AGPAT4: variants seen among roughly 807,000 people sequenced by gnomAD.
AGPAT4 encodes the protein 1-acyl-sn-glycerol-3-phosphate acyltransferase delta.
Under a neutral mutation model 48.0 loss-of-function variants are expected in AGPAT4, and 15 were observed. The observed-to-expected ratio is 0.31, with a 90% CI of 0.21 to 0.48. AGPAT4 has a LOEUF of 0.48. AGPAT4 is among the 20% of genes least tolerant of loss of function. The probability of loss-of-function intolerance (pLI) is 0.99; values close to 1 mark genes in which losing one functional copy is unlikely to be tolerated. For synonymous variants in AGPAT4, 178 were observed against 198.7 expected (o/e 0.90, Z 0.88); for missense variants, 314 against 482.5 (o/e 0.65, Z 3.27).
In AGPAT4 at chr6:161,240,277, T is replaced by G. The variant is rs1260441293; in HGVS notation, c.-89-7975A>C. On this transcript the variant is annotated intron_variant, in intron 1 of 8. Transcript: ENST00000320285. This position sits in a 1 kb window ranked among gnomAD's most constrained non-coding sequence, Gnocchi z 5.5. ...ACACACACACACACACTTAAACAAG[T>G]CTGTCCACCTGGAAGCCTGGGCTGG... Among the ~76,000 whole-genome samples, 1 of 150,392 alleles carries G rather than the reference T, an allele frequency of 6.6e-6. No individual in the cohort carries two copies. The highest frequency in any genetic ancestry group is 6.6e-5 in the Admixed American group (1 of 15,050).
intron 2 of AGPAT4, among the ~76,000 whole-genome samples, chr6:161,191,999 C>A (rs925203342): frequency 1.4e-5 from 2 of 147,668 alleles, no homozygotes; most frequent in East Asian, 3.9e-4. Context: ...TGTAACTGTT[C>A]TTGGATTTAC....
At position 161,219,328 on chromosome 6, in the gene AGPAT4, T is replaced by C. The variant is rs1414401622; in HGVS notation, c.178+12708A>G. On this transcript the variant is annotated intron_variant, in intron 2 of 8. Transcript: ENST00000320285. This position sits in a 1 kb window ranked among gnomAD's most constrained non-coding sequence, Gnocchi z 4.9. Reference sequence around the variant, plus strand: ...TTTGTATTTTATATAATTTAAAAAATATATAAAATGTCCTATCCAGACATT... The same window carrying C: ...TTTGTATTTTATATAATTTAAAAAACATATAAAATGTCCTATCCAGACATT... 6.6e-6 allele frequency among the ~76,000 whole-genome samples: 1 copy of C among 151,954 alleles called. No homozygotes were observed. The highest frequency in any genetic ancestry group is 1.9e-4 in the East Asian group (1 of 5,200).
rs1033289758 is a variant in AGPAT4, at chr6:161,138,930, C to T, written c.1042+492G>A. 3.3e-5 allele frequency among the ~76,000 whole-genome samples: 5 copies of T among 152,080 alleles called. No homozygotes were observed. The highest frequency in any genetic ancestry group is 9.7e-5 in the African/African-American group (4 of 41,402). On this transcript the variant is annotated intron_variant, in intron 8 of 8. Coordinates refer to ENST00000320285, the MANE Select transcript of AGPAT4 (RefSeq NM_020133.3). The surrounding 1 kb of genome is among the most constrained non-coding windows in gnomAD (Gnocchi z 4.8). ...GAGAATACCGGTCACCTGGAGCCAG[C>T]GCAGACCCATGAAAAGCTCTGTCGC...
chr6:161,153,167 T>C (rs945120489), intron 5 of AGPAT4, among the ~76,000 whole-genome samples, 179 bp downstream of exon 5: 1 of 152,174 alleles, frequency 6.6e-6, no homozygotes, highest in Admixed American at 6.5e-5. Flanking sequence ...CAGCCAGGGG[T>C]GCAAATGCCA....
rs1293295861 is a variant in AGPAT4 at position 161,196,860 on chromosome 6, T to G, written c.179-30443A>C. Among the ~76,000 whole-genome samples the G allele has an allele frequency of 6.7e-6, 1 of 148,524 alleles. No individual in the cohort carries two copies. Among genetic ancestry groups the G allele is most frequent in the Non-Finnish European group, 1.5e-5 (1 of 67,540 alleles). On this transcript the variant is annotated intron_variant, in intron 2 of 8. Coordinates refer to ENST00000320285, the MANE Select transcript of AGPAT4 (RefSeq NM_020133.3). This position sits in a 1 kb window ranked among gnomAD's most constrained non-coding sequence, Gnocchi z 4.3. ...CCAAGGAGAGGAAAAGCTAGAGGAA[T>G]GAGTGGTCAACTGGATGGTCAAGAA... is the stretch of plus-strand genomic sequence containing the variant.
chr6:161,258,733 G>C (rs1162835157), intron 1 of AGPAT4, among the ~76,000 whole-genome samples: 1 of 151,874 alleles, frequency 6.6e-6, no homozygotes, highest in African/African-American at 2.4e-5. Context: ...AGCAAGACTT[G>C]GTTGAAAGTT....
rs988718776 is a variant in AGPAT4 at position 161,221,568 on chromosome 6, G to A, written c.178+10468C>T. The stretch of plus-strand genomic sequence containing the variant: ...CACTTTGGACTTCACCACCACAGTA[G>A]AAGAAAAGACTTAGAACGCAGACTG... On this transcript the variant is annotated intron_variant, in intron 2 of 8. Transcript: ENST00000320285. The surrounding 1 kb of genome is among the most constrained non-coding windows in gnomAD (Gnocchi z 4.5). Among the ~76,000 whole-genome samples, 1 of 152,168 alleles carries A rather than the reference G, an allele frequency of 6.6e-6. No homozygotes were observed. Among genetic ancestry groups the A allele is most frequent in the Non-Finnish European group, 1.5e-5 (1 of 68,018 alleles).
chr6:161,259,653 G>A lies in AGPAT4; in HGVS notation c.-90+14285C>T, dbSNP rs1783043693. Among the ~76,000 whole-genome samples the A allele has an allele frequency of 6.6e-6, 1 of 152,136 alleles. No individual in the cohort carries two copies. Among genetic ancestry groups the A allele is most frequent in the African/African-American group, 2.4e-5 (1 of 41,450 alleles). ...TCAAGAATTTCAACAAGGGAGAGCA[G>A]AGCCTTACCCCAACTGTGGGGTCCC... On this transcript the variant is annotated intron_variant, in intron 1 of 8. Transcript: ENST00000320285. This position sits in a 1 kb window ranked among gnomAD's most constrained non-coding sequence, Gnocchi z 4.9.
intron 8 of AGPAT4, 101 bp from the exon 9 acceptor site, chr6:161,136,735 C>T (rs1290928871): frequency 2.0e-5 from 20 of 1,015,668 alleles, no homozygotes; most frequent in Middle Eastern, 2.1e-4. Flanking sequence ...AAATCACAAG[C>T]GCCAGCTCAG....
rs1322934820 is a variant in AGPAT4 at position 161,215,504 on chromosome 6, A to G, written c.178+16532T>C. Among the ~76,000 whole-genome samples the G allele has an allele frequency of 6.6e-6, 1 of 152,204 alleles. No individual in the cohort carries two copies. Among genetic ancestry groups the G allele is most frequent in the Non-Finnish European group, 1.5e-5 (1 of 68,036 alleles). ...GGTTCAGATATCCTGGTCCTTCAGC[A>G]TGAGTGTGGTTCTCAGGTCTGTCTC... On this transcript the variant is annotated intron_variant, in intron 2 of 8. Coordinates refer to ENST00000320285, the MANE Select transcript of AGPAT4 (RefSeq NM_020133.3). This position sits in a 1 kb window ranked among gnomAD's most constrained non-coding sequence, Gnocchi z 4.5.
At chr6:161,210,187 C>T (rs996107309) in intron 2 of AGPAT4, among the ~76,000 whole-genome samples, 1 of 152,132 alleles carries the variant, frequency 6.6e-6, no homozygotes, top group African/African-American at 2.4e-5. Context: ...TTATACAATC[C>T]TATGATAGAT....
rs1049305923 is a variant in AGPAT4, at chr6:161,239,517, C to T, written c.-89-7215G>A. Among the ~76,000 whole-genome samples, 3 of 152,194 alleles carry T rather than the reference C, an allele frequency of 2.0e-5. No homozygotes were observed. In the South Asian group the frequency reaches 6.2e-4, roughly 32 times the overall value. ...TTGTTTTTAATATAGATTCACATTG[C>T]AGCACTCAACCAGGTCAGGGTTGTA... On this transcript the variant is annotated intron_variant, in intron 1 of 8. Coordinates refer to ENST00000320285, the MANE Select transcript of AGPAT4 (RefSeq NM_020133.3).
chr6:161,228,513 A>G (rs1782039711), intron 2 of AGPAT4, among the ~76,000 whole-genome samples: 1 of 148,000 alleles, frequency 6.8e-6, no homozygotes, highest in Non-Finnish European at 1.5e-5. Context: ...ACTGTGTTTC[A>G]TTTCATTTTA....
rs980973653 is a variant in AGPAT4 at position 161,234,198 on chromosome 6, T to G, written c.-89-1896A>C. ...GGCTCTGAGGATGGTTTCGGGCATA[T>G]GGAGAGTCACAGGGAGGCATGTTTG... On this transcript the variant is annotated intron_variant, in intron 1 of 8. Transcript: ENST00000320285. The surrounding 1 kb of genome is among the most constrained non-coding windows in gnomAD (Gnocchi z 4.4). Among the ~76,000 whole-genome samples, 1 of 152,214 alleles carries G rather than the reference T, an allele frequency of 6.6e-6. No homozygotes were observed. The highest frequency in any genetic ancestry group is 1.5e-5 in the Non-Finnish European group (1 of 68,038).
rs1782536182 is a variant in AGPAT4, at chr6:161,242,957, GGA to G, written c.-89-10657_-89-10656del. 6.6e-6 allele frequency among the ~76,000 whole-genome samples: 1 copy of G among 152,014 alleles called. No homozygotes were observed. The highest frequency in any genetic ancestry group is 1.9e-4 in the East Asian group (1 of 5,174). ...GTGGCACGTGCCTCCCAGCTACTCG[GGA>G]GACTGAAGCAGGAGAATTGATTGAA... On this transcript the variant is annotated intron_variant, in intron 1 of 8. Transcript: ENST00000320285. This position sits in a 1 kb window ranked among gnomAD's most constrained non-coding sequence, Gnocchi z 5.0.
chr6:161,156,447 TTTAGAGCCACTAA>T (rs1376439053), intron 3 of AGPAT4, among the ~76,000 whole-genome samples: 1 of 152,262 alleles, frequency 6.6e-6, no homozygotes, highest in Non-Finnish European at 1.5e-5. Flanking sequence ...AGCCACTAAA[TTTAGAGCCACTAA>T]TTAGAGCCTA....
At chr6:161,151,843 C>T (rs1299983971) in intron 5 of AGPAT4, among the ~76,000 whole-genome samples, 3 of 152,112 alleles carry the variant, frequency 2.0e-5, no homozygotes, top group South Asian at 2.1e-4. Flanking sequence ...GAGCGGGGGA[C>T]GAGCAATGGG....
chr6:161,205,104 C>T (rs1781345394), intron 2 of AGPAT4, among the ~76,000 whole-genome samples: 1 of 152,172 alleles, frequency 6.6e-6, no homozygotes, highest in Non-Finnish European at 1.5e-5. Flanking sequence ...CACAGCAACG[C>T]CGTTTTGCTC....
intron 2 of AGPAT4, among the ~76,000 whole-genome samples, chr6:161,181,034 C>T (rs1290567401): frequency 6.6e-6 from 1 of 152,172 alleles, no homozygotes; most frequent in Non-Finnish European, 1.5e-5. Context: ...CTCCAGTCAT[C>T]ACCCTGAGGA....
Sources: gnomAD v4.1 joint callset for allele counts (sites outside exome capture counted in the v4.1 genomes callset) on GRCh38, gnomAD v4.1.1 for gene constraint, Gnocchi (gnomAD v3.1) non-coding constraint, MANE v1.5 for transcripts, NCBI Gene and HGNC (gene_info 2026-07-23, HGNC 2026-07-21) for gene names.